Variants in RP1 observed in about 807,000 individuals in gnomAD.
The protein encoded by RP1 is oxygen-regulated protein 1.
Under a neutral mutation model 14.8 loss-of-function variants are expected in RP1, and 16 were observed. The observed-to-expected ratio is 1.08, with a 90% CI of 0.73 to 1.65. The LOEUF is 1.65. RP1 is among the 40% of genes most tolerant of loss of function. RP1 has a pLI of 0.00. For missense variants in RP1, 2,631 were observed against 2,535.0 expected (o/e 1.04, Z -0.81); for synonymous variants, 876 against 883.6 (o/e 0.99, Z 0.15).
chr8:54,601,981 C>G (rs1805303380), intron 1 of RP1, among the ~76,000 whole-genome samples: 1 of 152,176 alleles, frequency 6.6e-6, no homozygotes, highest in South Asian at 2.1e-4. Flanking sequence ...GTGTTCTAAA[C>G]TTAGATCATT....
chr8:54,744,185 A>G (rs1809167087), intron 19 of RP1, among the ~76,000 whole-genome samples: 1 of 152,220 alleles, frequency 6.6e-6, no homozygotes, highest in South Asian at 2.1e-4. Context: ...TAGGAAAAAG[A>G]TATGACCATG....
At chr8:54,817,210 G>C (rs1034084679) in intron 24 of RP1, among the ~76,000 whole-genome samples, 24 of 152,062 alleles carry the variant, frequency 1.6e-4, no homozygotes, top group African/African-American at 5.6e-4. Context: ...CCAGTCCCTA[G>C]AACAATGGCT....
At chr8:54,695,985 TC>T (rs929086427) in intron 12 of RP1, among the ~76,000 whole-genome samples, 24 of 152,152 alleles carry the variant, frequency 1.6e-4, no homozygotes, top group African/African-American at 5.8e-4. Flanking sequence ...TCTGTGTCTT[TC>T]ATTTTTAGAA....
At chr8:54,868,757 C>T (rs1019499299) in intron 28 of RP1, among the ~76,000 whole-genome samples, 1 of 152,148 alleles carries the variant, frequency 6.6e-6, no homozygotes, top group Non-Finnish European at 1.5e-5. Context: ...ATTTAGATGA[C>T]ATAAGCTTTA....
intron 1 of RP1, among the ~76,000 whole-genome samples, chr8:54,572,426 G>A (rs1207208239): frequency 6.6e-6 from 1 of 152,218 alleles, no homozygotes; most frequent in African/African-American, 2.4e-5. Flanking sequence ...ATTCAAGTTT[G>A]AGCACATATT....
intron 25 of RP1, among the ~76,000 whole-genome samples, chr8:54,838,395 G>T (rs1313017200): frequency 1.3e-5 from 2 of 152,032 alleles, no homozygotes; most frequent in East Asian, 3.9e-4. Context: ...TTTCTCAATG[G>T]ATACTGATAG....
At chr8:54,846,856 T>G (rs1811932193) in intron 25 of RP1, among the ~76,000 whole-genome samples, 1 of 152,164 alleles carries the variant, frequency 6.6e-6, no homozygotes, top group South Asian at 2.1e-4. Context: ...CCTCCCTCAT[T>G]GGTAATGTCT....
At chr8:54,782,044 A>G (rs1468968586) in intron 23 of RP1, among the ~76,000 whole-genome samples, 1 of 152,222 alleles carries the variant, frequency 6.6e-6, no homozygotes, top group Non-Finnish European at 1.5e-5. Context: ...AGGAAAGAAG[A>G]CCTACAAAAA....
At chr8:54,771,029 C>G (rs894688148), downstream of RP1, among the ~76,000 whole-genome samples, 2 of 152,014 alleles carry the variant, frequency 1.3e-5, no homozygotes, top group Non-Finnish European at 2.9e-5. Context: ...TTAGTGCTAA[C>G]ATTATTTTAT....
Position 54,813,161 on chromosome 8 carries a change from G to A in RP1, c.3616-24289G>A, listed in dbSNP as rs191857364. On this transcript the variant is annotated intron_variant, in intron 24 of 28. Coordinates refer to the RP1 transcript ENST00000637698. Reference sequence around the variant, plus strand: ...ACCTAAATTGTCTCGAGCAGTTCCCGAAGTCTAGTAACAGTAGCCAATCAA... The same window carrying A: ...ACCTAAATTGTCTCGAGCAGTTCCCAAAGTCTAGTAACAGTAGCCAATCAA... 9.2e-5 allele frequency among the ~76,000 whole-genome samples: 14 copies of A among 152,318 alleles called. No homozygotes were observed. In the East Asian group the frequency reaches 1.4e-3, roughly 15 times the overall value.
chr8:54,565,973 G>A (rs1804396494), intron 1 of RP1, among the ~76,000 whole-genome samples: 1 of 152,046 alleles, frequency 6.6e-6, no homozygotes, highest in Non-Finnish European at 1.5e-5. Context: ...CTTGCTTGGG[G>A]GAGCATCACT....
rs561812058 is a variant in RP1, at chr8:54,781,951, C to T, written c.3452-1596C>T. ...TTCAGTAAACAAGACATCCAAGCTT[C>T]TATGCAAACTTATTCCCGTCCCTCC... is the stretch of plus-strand genomic sequence containing the variant. On this transcript the variant is annotated intron_variant, in intron 23 of 28. Transcript: ENST00000637698. 1.4e-4 allele frequency among the ~76,000 whole-genome samples: 22 copies of T among 152,238 alleles called. No homozygotes were observed. In the South Asian group the frequency reaches 4.1e-3, roughly 29 times the overall value.
At chr8:54,623,831 A>G (rs1032275669) in intron 3 of RP1, among the ~76,000 whole-genome samples, 2 of 152,208 alleles carry the variant, frequency 1.3e-5, no homozygotes, top group Admixed American at 6.5e-5. Flanking sequence ...CTGTTTTGAT[A>G]TGTGTAGGTG....
chr8:54,708,136 A>G (rs1808195242), intron 15 of RP1, among the ~76,000 whole-genome samples: 1 of 152,146 alleles, frequency 6.6e-6, no homozygotes, highest in Non-Finnish European at 1.5e-5. Context: ...GTTCAGAACC[A>G]TGAGATAATG....
intron 24 of RP1, among the ~76,000 whole-genome samples, chr8:54,828,521 A>G (rs1392173655): frequency 2.0e-5 from 3 of 152,064 alleles, no homozygotes; most frequent in African/African-American, 7.3e-5. Context: ...CCAGGAGTAG[A>G]AGCTTCCTGA....
chr8:54,655,105 G>A (rs1015127042), intron 5 of RP1, among the ~76,000 whole-genome samples: 1 of 152,176 alleles, frequency 6.6e-6, no homozygotes, highest in Non-Finnish European at 1.5e-5. Context: ...TTATCTTTCT[G>A]TAAACATTTC....
rs1563343124 is a variant in RP1 at position 54,670,506 on chromosome 8, CACATATATATGTATGTGTATATATAT to C, written c.1324-3327_1324-3302del. On this transcript the variant is annotated intron_variant, in intron 7 of 22. Transcript: ENST00000636932. ...ACATATGTAAGTATGTATATATATA[CACATATATATGTATGTGTATATATAT>C]ACATATATATGTATGTATATGTATA... Among the ~76,000 whole-genome samples the C allele has an allele frequency of 3.0e-4, 12 of 39,564 alleles. 1 individual carries two copies. Among genetic ancestry groups the C allele is most frequent in the Non-Finnish European group, 3.9e-4 (6 of 15,288 alleles). 26.0% of individuals were successfully genotyped at this position (39,564 alleles called of 152,430 possible).
At chr8:54,737,721 G>A (rs568942973) in intron 18 of RP1, among the ~76,000 whole-genome samples, 33 of 152,256 alleles carry the variant, frequency 2.2e-4, no homozygotes, top group African/African-American at 7.7e-4. Context: ...GCAGTCTGTA[G>A]GGGAAAGTGG....
At chr8:54,559,759 G>C (rs902903662) in intron 1 of RP1, among the ~76,000 whole-genome samples, 3 of 152,138 alleles carry the variant, frequency 2.0e-5, no homozygotes, top group African/African-American at 7.2e-5. Context: ...GTCACGTTCG[G>C]GCAGGACTGG....
Sources: gnomAD v4.1 joint callset for allele counts (sites outside exome capture counted in the v4.1 genomes callset) on GRCh38, gnomAD v4.1.1 for gene constraint, MANE v1.5 for transcripts, NCBI Gene and HGNC (gene_info 2026-07-23, HGNC 2026-07-21) for gene names.